Variants in RBP2 observed in about 807,000 individuals in gnomAD.
RBP2 encodes retinol binding protein 2, also known as retinol-binding protein 2.
Under a neutral mutation model 17.0 loss-of-function variants are expected in RBP2, and 17 were observed. The observed-to-expected ratio is 1.00, with a 90% confidence interval of 0.68 to 1.50. RBP2 has a LOEUF of 1.50. Ranked by LOEUF, RBP2 falls within the 40% of genes most tolerant of loss-of-function variation. RBP2 has a pLI of 0.00. For missense variants in RBP2, 158 were observed against 168.2 expected (o/e 0.94, Z 0.33); for synonymous variants, 48 against 57.1 (o/e 0.84, Z 0.72).
chr3:139,474,952 T>C (rs13064670), intron 1 of RBP2, among the ~76,000 whole-genome samples: 95,582 of 151,766 alleles, frequency 0.63, 32,912 homozygotes, highest in East Asian at 0.96. Flanking sequence ...TTCTTCCTCC[T>C]CCCAACTATA....
chr3:139,472,752 A>G (rs1010728904), intron 1 of RBP2, among the ~76,000 whole-genome samples: 1 of 152,232 alleles, frequency 6.6e-6, no homozygotes, highest in African/African-American at 2.4e-5. Context: ...AATAATAATT[A>G]AATGACGTGG....
At chr3:139,469,548 G>A (rs1040333569) in intron 1 of RBP2, among the ~76,000 whole-genome samples, 2 of 152,058 alleles carry the variant, frequency 1.3e-5, no homozygotes, top group Non-Finnish European at 2.9e-5. Flanking sequence ...GTCCTACCAG[G>A]TACCATATGG....
At chr3:139,470,293 T>C (rs1375457421) in intron 1 of RBP2, among the ~76,000 whole-genome samples, 2 of 152,012 alleles carry the variant, frequency 1.3e-5, no homozygotes, top group Non-Finnish European at 2.9e-5. Flanking sequence ...TTTCTATCAT[T>C]TCCTCTCACT....
chr3:139,474,808 G>A (rs772952685), intron 1 of RBP2, among the ~76,000 whole-genome samples: 1 of 152,130 alleles, frequency 6.6e-6, no homozygotes, highest in Admixed American at 6.5e-5. Flanking sequence ...CAGAATTCTA[G>A]TTCCAAGCTA....
At chr3:139,471,369 A>G (rs376254756) in intron 1 of RBP2, among the ~76,000 whole-genome samples, 4 of 152,198 alleles carry the variant, frequency 2.6e-5, no homozygotes, top group African/African-American at 9.6e-5. Flanking sequence ...TTCGGGGAAT[A>G]TTTCCTGGCA....
intron 1 of RBP2, among the ~76,000 whole-genome samples, 183 bp from the exon 2 acceptor site, chr3:139,462,473 C>G (rs1933221866): frequency 6.6e-6 from 1 of 151,642 alleles, no homozygotes; most frequent in Admixed American, 6.6e-5. Context: ...TGCTGGGAAA[C>G]CTAGGAGTCT....
chr3:139,467,672 T>C (rs1311780385), intron 1 of RBP2, among the ~76,000 whole-genome samples: 1 of 152,202 alleles, frequency 6.6e-6, no homozygotes, highest in Non-Finnish European at 1.5e-5. Context: ...CCATATGCAG[T>C]GCACATTGCC....
chr3:139,462,416 G>A (rs1180883177), intron 1 of RBP2, 126 bp from the exon 2 acceptor site: 1 of 1,003,058 alleles, frequency 1.0e-6, no homozygotes, highest in Non-Finnish European at 1.5e-6. Context: ...TTGCTTAAGT[G>A]GGAAACAAGC....
intron 1 of RBP2, among the ~76,000 whole-genome samples, chr3:139,467,249 G>T (rs1933397084): frequency 6.6e-6 from 1 of 152,216 alleles, no homozygotes; most frequent in African/African-American, 2.4e-5. Flanking sequence ...TAGCACCTGG[G>T]AACGTGTTAG....
At chr3:139,473,757 T>G (rs1423432067) in intron 1 of RBP2, among the ~76,000 whole-genome samples, 3 of 152,194 alleles carry the variant, frequency 2.0e-5, no homozygotes, top group Non-Finnish European at 4.4e-5. Flanking sequence ...CTGTCTTCAA[T>G]CACTGCCATG....
At chr3:139,471,070 T>C (rs1463981862) in intron 1 of RBP2, among the ~76,000 whole-genome samples, 1 of 152,202 alleles carries the variant, frequency 6.6e-6, no homozygotes, top group African/African-American at 2.4e-5. Flanking sequence ...CAAAATAACC[T>C]TAAACTATTT....
chr3:139,464,791 A>G (rs1401304240), intron 1 of RBP2, among the ~76,000 whole-genome samples: 1 of 152,140 alleles, frequency 6.6e-6, no homozygotes, highest in Non-Finnish European at 1.5e-5. Flanking sequence ...AGTACCTTCC[A>G]TGTCTAGGAA....
chr3:139,475,149 T>C (rs1933694466), intron 1 of RBP2, among the ~76,000 whole-genome samples: 1 of 151,274 alleles, frequency 6.6e-6, no homozygotes, highest in Admixed American at 6.6e-5. Flanking sequence ...GTGAAATCCG[T>C]CTCTATTAAA....
chr3:139,470,922 G>A (rs933026472), intron 1 of RBP2, among the ~76,000 whole-genome samples: 2 of 151,870 alleles, frequency 1.3e-5, no homozygotes, highest in African/African-American at 4.8e-5. Context: ...CTTTGCACTT[G>A]CTGTCCCCTG....
intron 2 of RBP2, 66 bp downstream of exon 2, chr3:139,462,046 A>G (rs1933207181): frequency 2.0e-6 from 3 of 1,522,646 alleles, no homozygotes; most frequent in Non-Finnish European, 2.7e-6. Context: ...TTTTTTCATC[A>G]TGATACCAAA....
At position 139,461,538 on chromosome 3, in the gene RBP2, A is replaced by AT. The variant is rs10709555; in HGVS notation, c.252+573dup. ...AATCTTGACTCCACTTAACCTACTGATTTTTTTTTTTGTTTAATTTGGATC... is the reference window on the plus strand; with the variant it reads ...AATCTTGACTCCACTTAACCTACTGATTTTTTTTTTTTGTTTAATTTGGATC... On this transcript the variant is annotated intron_variant, in intron 2 of 3. Transcript: ENST00000232217. Among the ~76,000 whole-genome samples the AT allele has an allele frequency of 9.6e-3, 1,441 of 150,150 alleles. 16 individuals carry two copies. Among genetic ancestry groups the AT allele is most frequent in the Non-Finnish European group, 0.012 (841 of 67,314 alleles).
intron 1 of RBP2, among the ~76,000 whole-genome samples, chr3:139,465,437 C>T (rs16849083): frequency 0.11 from 17,377 of 152,116 alleles, 1,998 homozygotes; most frequent in African/African-American, 0.29. Context: ...ATTTTATCCT[C>T]ATTTTGCCAC....
chr3:139,460,330 C>T (rs1339699518), intron 2 of RBP2, among the ~76,000 whole-genome samples: 1 of 152,270 alleles, frequency 6.6e-6, no homozygotes, highest in East Asian at 1.9e-4. Flanking sequence ...TTCCAGGGCC[C>T]AGAATCATAA....
intron 1 of RBP2, among the ~76,000 whole-genome samples, chr3:139,467,699 A>G (rs1295924237): frequency 1.3e-5 from 2 of 152,146 alleles, no homozygotes; most frequent in African/African-American, 4.8e-5. Context: ...TCTTGGCCTT[A>G]TCTGTTTGGG....
Sources: allele counts gnomAD v4.1 joint callset (sites outside exome capture counted in the v4.1 genomes callset), GRCh38; gene constraint gnomAD v4.1.1; transcripts MANE v1.5; gene names NCBI Gene and HGNC (gene_info 2026-07-23, HGNC 2026-07-21).